Variants in MACROD2 observed in about 807,000 individuals in gnomAD.
The protein encoded by MACROD2 is mono-ADP ribosylhydrolase 2.
A neutral mutation model predicts 70.4 loss-of-function variants in MACROD2; 36 were observed. The observed-to-expected ratio is 0.51, with a 90% CI of 0.39 to 0.68. The LOEUF is 0.68. Among genes scored for constraint, MACROD2 ranks in the 30% least tolerant of loss-of-function variants. The probability of loss-of-function intolerance (pLI) is 0.00; values close to 1 mark genes in which losing one functional copy is unlikely to be tolerated. For synonymous variants in MACROD2, 172 were observed against 178.8 expected (o/e 0.96, Z 0.30); for missense variants, 496 against 538.4 (o/e 0.92, Z 0.78).
chr20:15,172,003 A>C (rs1034682475), intron 5 of MACROD2, among the ~76,000 whole-genome samples: 2 of 152,258 alleles, frequency 1.3e-5, no homozygotes, highest in African/African-American at 4.8e-5. Context: ...ATACAGTCAA[A>C]TTTTAGAGCT....
intron 2 of MACROD2, among the ~76,000 whole-genome samples, chr20:14,004,555 A>G (rs2052784348): frequency 6.6e-6 from 1 of 152,324 alleles, no homozygotes; most frequent in African/African-American, 2.4e-5. Flanking sequence ...GTAAATATTT[A>G]TATACAATAC....
chr20:15,285,032 T>C (rs143528236), intron 6 of MACROD2, among the ~76,000 whole-genome samples: 1,995 of 152,068 alleles, frequency 0.013, 46 homozygotes, highest in African/African-American at 0.044. Context: ...ATTTCTTCTA[T>C]TTTTATGACT....
chr20:14,510,685 T>A (rs2085019815), intron 4 of MACROD2, among the ~76,000 whole-genome samples: 1 of 152,146 alleles, frequency 6.6e-6, no homozygotes, highest in South Asian at 2.1e-4. Flanking sequence ...TTTATCTTCA[T>A]CTGACTCTCT....
At chr20:14,986,535 G>T (rs1410348921) in intron 5 of MACROD2, among the ~76,000 whole-genome samples, 1 of 152,046 alleles carries the variant, frequency 6.6e-6, no homozygotes, top group African/African-American at 2.4e-5. Flanking sequence ...AGTCTTGTTA[G>T]CAGAAAAGGC....
At chr20:15,300,272 A>C (rs1017477434) in intron 6 of MACROD2, among the ~76,000 whole-genome samples, 1 of 152,180 alleles carries the variant, frequency 6.6e-6, no homozygotes, top group Non-Finnish European at 1.5e-5. Context: ...AAAGATGCTC[A>C]TTGTTCTCAA....
intron 8 of MACROD2, among the ~76,000 whole-genome samples, chr20:15,624,662 C>T: frequency 1.3e-5 from 2 of 152,058 alleles, no homozygotes; most frequent in African/African-American, 2.4e-5. Flanking sequence ...CGCTTTCTGA[C>T]AAATAGTGGC....
chr20:15,819,312 TACTTATATATAAATATAA>T lies in MACROD2; in HGVS notation c.646-43431_646-43414del, dbSNP rs1256800545. Among the ~76,000 whole-genome samples the T allele has an allele frequency of 2.0e-4, 28 of 142,448 alleles. No individual in the cohort carries two copies. The South Asian group carries it at 5.1e-3, about 26-fold the overall frequency. The allele number at this position is 142,448 out of a possible 152,430, so 93.5% of individuals were successfully genotyped here. ...TTATATATAAGTATATAAATATATA[TACTTATATATAAATATAA>T]ATATATAAGTATATAATTATATAAA... is the stretch of plus-strand genomic sequence containing the variant. On this transcript the variant is annotated intron_variant, in intron 8 of 17. Coordinates refer to ENST00000684519, the MANE Select transcript of MACROD2 (RefSeq NM_001351661.2).
intron 6 of MACROD2, among the ~76,000 whole-genome samples, chr20:15,273,396 A>C (rs1280071948): frequency 2.0e-5 from 3 of 150,164 alleles, no homozygotes; most frequent in African/African-American, 7.5e-5. Flanking sequence ...GAGCATGTTT[A>C]ATACTTACTA....
intron 5 of MACROD2, among the ~76,000 whole-genome samples, chr20:15,058,848 G>T (rs971557964): frequency 6.6e-6 from 1 of 152,168 alleles, no homozygotes. Flanking sequence ...ATGTGAGAGA[G>T]TGTTTTAAGT....
intron 6 of MACROD2, among the ~76,000 whole-genome samples, chr20:15,428,182 G>A (rs1399964715): frequency 2.0e-5 from 3 of 152,134 alleles, no homozygotes; most frequent in Admixed American, 2.0e-4. Flanking sequence ...ACCCTTTGAG[G>A]CAGGCCTCAG....
intron 5 of MACROD2, among the ~76,000 whole-genome samples, chr20:14,739,265 C>T (rs1282700089): frequency 6.6e-6 from 1 of 151,900 alleles, no homozygotes; most frequent in African/African-American, 2.4e-5. Flanking sequence ...TGAAAAATCT[C>T]TTTAAGTACT....
intron 7 of MACROD2, among the ~76,000 whole-genome samples, chr20:15,465,476 A>G (rs1282050014): frequency 6.6e-6 from 1 of 152,244 alleles, no homozygotes; most frequent in Admixed American, 6.5e-5. Context: ...CCGTGAGACA[A>G]ATGCTTGGCA....
intron 5 of MACROD2, among the ~76,000 whole-genome samples, chr20:14,764,489 T>C (rs796862406): frequency 4.7e-4 from 72 of 152,178 alleles, no homozygotes; most frequent in African/African-American, 1.4e-3. Context: ...TAGTATACAC[T>C]TGTGGGAGAA....
intron 5 of MACROD2, among the ~76,000 whole-genome samples, chr20:15,216,029 A>G (rs1201245265): frequency 6.6e-6 from 1 of 152,148 alleles, no homozygotes; most frequent in Non-Finnish European, 1.5e-5. Context: ...TAATTTTATA[A>G]CTAGAAGGAG....
At chr20:15,118,373 A>G (rs1304344144) in intron 5 of MACROD2, among the ~76,000 whole-genome samples, 1 of 151,830 alleles carries the variant, frequency 6.6e-6, no homozygotes, top group Non-Finnish European at 1.5e-5. Flanking sequence ...TTGTATTTTT[A>G]GTAGAGACGG....
At chr20:14,061,147 C>T (rs1027242039) in intron 2 of MACROD2, among the ~76,000 whole-genome samples, 6 of 152,040 alleles carry the variant, frequency 3.9e-5, no homozygotes, top group African/African-American at 1.4e-4. Flanking sequence ...ATGATGGTTT[C>T]TCCTTTGAAA....
chr20:15,409,597 A>C (rs2046049700), intron 6 of MACROD2, among the ~76,000 whole-genome samples: 1 of 152,266 alleles, frequency 6.6e-6, no homozygotes, highest in Non-Finnish European at 1.5e-5. Context: ...GAATGCATGT[A>C]GTTGATTTTG....
At chr20:15,208,570 G>T (rs747727804) in intron 5 of MACROD2, among the ~76,000 whole-genome samples, 11 of 152,078 alleles carry the variant, frequency 7.2e-5, no homozygotes, top group Non-Finnish European at 1.5e-4. Context: ...ACACTCACAG[G>T]GAAAGGGGAT....
At chr20:15,894,868 C>T (rs1008902070) in intron 10 of MACROD2, among the ~76,000 whole-genome samples, 4 of 152,202 alleles carry the variant, frequency 2.6e-5, no homozygotes, top group Admixed American at 2.6e-4. Context: ...AGATGTTAAG[C>T]TTTGTTACTG....
Sources: gnomAD v4.1 joint callset for allele counts (sites outside exome capture counted in the v4.1 genomes callset) on GRCh38, gnomAD v4.1.1 for gene constraint, MANE v1.5 for transcripts, NCBI Gene and HGNC (gene_info 2026-07-23, HGNC 2026-07-21) for gene names.